Variants in SDK1 observed in about 807,000 individuals in gnomAD.
SDK1 encodes protein sidekick-1.
SDK1 carries 157 observed loss-of-function variants against 245.5 expected under a neutral mutation model. The observed-to-expected ratio is 0.64, with a 90% confidence interval of 0.56 to 0.73. The LOEUF (loss-of-function observed/expected upper bound fraction) is 0.73. Ranked by LOEUF, SDK1 falls within the 30% of genes least tolerant of loss-of-function variation. The pLI, the probability that SDK1 is intolerant of heterozygous loss-of-function variation, is 0.00. For missense variants in SDK1, 3,583 were observed against 3,002.3 expected (o/e 1.19, Z -4.52); for synonymous variants, 1,647 against 1,278.5 (o/e 1.29, Z -6.15).
intron 5 of SDK1, among the ~76,000 whole-genome samples, chr7:3,865,984 C>T (rs942144837): frequency 3.9e-5 from 6 of 152,088 alleles, no homozygotes; most frequent in Non-Finnish European, 8.8e-5. Context: ...CCTGCTGGTA[C>T]ACAGATCAGA....
intron 1 of SDK1, among the ~76,000 whole-genome samples, chr7:3,617,256 C>T (rs1781800108): frequency 6.6e-6 from 1 of 152,152 alleles, no homozygotes; most frequent in Non-Finnish European, 1.5e-5. Context: ...TATTAGCTAT[C>T]CCCTTAGTTC....
At chr7:3,367,598 T>C (rs747647113) in intron 1 of SDK1, among the ~76,000 whole-genome samples, 22 of 152,182 alleles carry the variant, frequency 1.4e-4, no homozygotes, top group Non-Finnish European at 2.9e-4. Context: ...AATTTTTCTG[T>C]ATTTGTGCTG....
At chr7:3,349,139 C>T (rs990826584) in intron 1 of SDK1, among the ~76,000 whole-genome samples, 6 of 152,020 alleles carry the variant, frequency 3.9e-5, no homozygotes, top group Non-Finnish European at 5.9e-5. Context: ...ACTTCTGCTG[C>T]CTCCTTCCTC....
At chr7:3,728,674 C>T (rs1280774140) in intron 4 of SDK1, among the ~76,000 whole-genome samples, 1 of 152,178 alleles carries the variant, frequency 6.6e-6, no homozygotes, top group Non-Finnish European at 1.5e-5. Context: ...GGCACGATCT[C>T]AGCTTACTGT....
At chr7:3,825,076 G>A (rs1017978368) in intron 5 of SDK1, among the ~76,000 whole-genome samples, 2 of 152,004 alleles carry the variant, frequency 1.3e-5, no homozygotes, top group South Asian at 4.2e-4. Context: ...GACATAGGTG[G>A]GACTGTTGAA....
intron 1 of SDK1, among the ~76,000 whole-genome samples, chr7:3,320,408 C>G (rs1246513563): frequency 6.6e-6 from 1 of 152,008 alleles, no homozygotes; most frequent in Non-Finnish European, 1.5e-5. Context: ...ACTATAGTAA[C>G]ATGCTGCTCT....
intron 4 of SDK1, among the ~76,000 whole-genome samples, chr7:3,766,932 A>C (rs1038294973): frequency 2.8e-4 from 43 of 152,244 alleles, no homozygotes; most frequent in African/African-American, 1.0e-3. Context: ...TTTAAATTCC[A>C]CACAAGAGAA....
At chr7:4,217,513 CA>C (rs1784894998) in intron 38 of SDK1, among the ~76,000 whole-genome samples, 2 of 43,604 alleles carry the variant, frequency 4.6e-5, no homozygotes, top group Admixed American at 1.9e-4. Flanking sequence ...CGGAGCACCA[CA>C]CCACCCGGAG....
chr7:3,829,023 A>G (rs1779850551), intron 5 of SDK1, among the ~76,000 whole-genome samples: 1 of 152,138 alleles, frequency 6.6e-6, no homozygotes, highest in Non-Finnish European at 1.5e-5. Flanking sequence ...TCTTTGAATC[A>G]TGTGTTTTTT....
chr7:3,928,166 C>G (rs572661026), intron 5 of SDK1, among the ~76,000 whole-genome samples: 7 of 152,278 alleles, frequency 4.6e-5, no homozygotes, highest in African/African-American at 1.7e-4. Context: ...TAATAGAATT[C>G]TCCGTTAATA....
chr7:3,862,658 C>T (rs1780722865), intron 5 of SDK1, among the ~76,000 whole-genome samples: 1 of 152,106 alleles, frequency 6.6e-6, no homozygotes, highest in African/African-American at 2.4e-5. Flanking sequence ...CTTCAAATGT[C>T]AGGCTTTTTA....
intron 5 of SDK1, among the ~76,000 whole-genome samples, chr7:3,935,219 G>A (rs985406419): frequency 6.6e-6 from 1 of 152,190 alleles, no homozygotes; most frequent in Non-Finnish European, 1.5e-5. Flanking sequence ...TTAACAGAGT[G>A]TAGCAGGTGC....
chr7:3,327,979 T>A (rs985076529), intron 1 of SDK1, among the ~76,000 whole-genome samples: 1 of 152,132 alleles, frequency 6.6e-6, no homozygotes, highest in Non-Finnish European at 1.5e-5. Context: ...AAAAAGGGAA[T>A]GATAGTGCTT....
At chr7:4,038,188 C>T (rs1232077721) in intron 17 of SDK1, among the ~76,000 whole-genome samples, 1 of 152,198 alleles carries the variant, frequency 6.6e-6, no homozygotes, top group East Asian at 1.9e-4. Context: ...ACTTAAGACC[C>T]CTCTATTCCA....
intron 1 of SDK1, among the ~76,000 whole-genome samples, chr7:3,487,754 C>CAA (rs764105126): frequency 0.066 from 4,255 of 64,658 alleles, 263 homozygotes; most frequent in African/African-American, 0.095. Flanking sequence ...GACCCCATCT[C>CAA]AAAAAAAAAA....
intron 14 of SDK1, among the ~76,000 whole-genome samples, chr7:3,995,605 A>C (rs1784643951): frequency 6.6e-6 from 1 of 152,186 alleles, no homozygotes; most frequent in Admixed American, 6.5e-5. Flanking sequence ...CATTTGAATA[A>C]TCTTTCTACT....
At chr7:3,890,605 G>A (rs1781435812) in intron 5 of SDK1, among the ~76,000 whole-genome samples, 1 of 151,876 alleles carries the variant, frequency 6.6e-6, no homozygotes, top group Non-Finnish European at 1.5e-5. Context: ...TGGGCCTGTG[G>A]TTATTGTGCT....
chr7:4,007,413 C>T (rs914753096), intron 14 of SDK1, among the ~76,000 whole-genome samples: 1 of 152,068 alleles, frequency 6.6e-6, no homozygotes, highest in African/African-American at 2.4e-5. Flanking sequence ...CATTTGCTCC[C>T]CTCATCTACA....
At chr7:4,207,653 G>T (rs994012825) in intron 36 of SDK1, among the ~76,000 whole-genome samples, 4 of 152,048 alleles carry the variant, frequency 2.6e-5, no homozygotes, top group Admixed American at 1.3e-4. Flanking sequence ...TGTCTCCATA[G>T]CTCGGAGCAG....
Sources: allele counts gnomAD v4.1 joint callset (sites outside exome capture counted in the v4.1 genomes callset), GRCh38; gene constraint gnomAD v4.1.1; transcripts MANE v1.5; gene names NCBI Gene and HGNC (gene_info 2026-07-23, HGNC 2026-07-21).